The following PPP1R37 variants were observed in gnomAD, a reference collection of about 807,000 sequenced individuals.
PPP1R37 encodes leucine rich repeat containing 68.
Under a neutral mutation model 61.0 loss-of-function variants are expected in PPP1R37, and 21 were observed. The observed-to-expected ratio is 0.34, with a 90% CI of 0.24 to 0.50. The LOEUF (loss-of-function observed/expected upper bound fraction) is 0.50, where lower values mean the gene tolerates loss of function less well. PPP1R37 is among the 20% of genes least tolerant of loss of function. The pLI is 0.98. For synonymous variants in PPP1R37, 443 were observed against 433.5 expected (o/e 1.02, Z -0.27); for missense variants, 910 against 952.7 (o/e 0.96, Z 0.59).
intron 9 of PPP1R37, 29 bp from the exon 10 acceptor site, chr19:45,145,065 C>T (rs1287834490): frequency 1.3e-6 from 2 of 1,524,134 alleles, no homozygotes; most frequent in South Asian, 1.2e-5. Context: ...GTGTGGGGCC[C>T]GTGGCCAGCC....
Position 45,145,443 on chromosome 19 carries a change from GAGA to G in PPP1R37, c.1390_1392del (p.Lys464del), listed in dbSNP as rs1386604937. 4 of 1,535,172 alleles carry G rather than the reference GAGA, an allele frequency of 2.6e-6. No homozygotes were observed. The highest frequency in any genetic ancestry group is 2.7e-5 in the African/African-American group (2 of 73,012). Reference sequence around the variant, plus strand: ...CTTGGTGCTGGCGCGGGAGAGGGAGGAGAAGGAGCAGCCGCCACAGCTGTCGGC... The same window carrying G: ...CTTGGTGCTGGCGCGGGAGAGGGAGGAGGAGCAGCCGCCACAGCTGTCGGC... On this transcript the variant is annotated inframe_deletion, in exon 11 of 13. Coordinates refer to ENST00000221462, the MANE Select transcript of PPP1R37 (RefSeq NM_019121.2).
intron 1 of PPP1R37, among the ~76,000 whole-genome samples, chr19:45,111,275 T>G (rs1968196646): frequency 6.6e-6 from 1 of 151,254 alleles, no homozygotes; most frequent in Non-Finnish European, 1.5e-5. Context: ...ATTATTATTA[T>G]TATTATTATT....
intron 1 of PPP1R37, among the ~76,000 whole-genome samples, chr19:45,093,871 A>G (rs1032207966): frequency 6.6e-6 from 1 of 152,216 alleles, no homozygotes; most frequent in South Asian, 2.1e-4. Flanking sequence ...GAGAAGGAGC[A>G]GTTGAGAGGA....
intron 1 of PPP1R37, among the ~76,000 whole-genome samples, chr19:45,117,575 T>TA (rs1968285694): frequency 6.6e-6 from 1 of 152,100 alleles, no homozygotes; most frequent in African/African-American, 2.4e-5. Flanking sequence ...TGGGTTTTCC[T>TA]TCTACGGTGG....
At chr19:45,113,031 C>T (rs1968221438) in intron 1 of PPP1R37, among the ~76,000 whole-genome samples, 1 of 152,148 alleles carries the variant, frequency 6.6e-6, no homozygotes, top group Non-Finnish European at 1.5e-5. Context: ...AGGGAGGGGT[C>T]ACAGCTCCTG....
intron 1 of PPP1R37, among the ~76,000 whole-genome samples, chr19:45,122,254 C>T (rs982537469): frequency 3.9e-5 from 6 of 152,158 alleles, no homozygotes; most frequent in African/African-American, 9.7e-5. Flanking sequence ...TGCACACCTT[C>T]GCTGCCTGAG....
chr19:45,119,376 C>G (rs1293490844), intron 1 of PPP1R37, among the ~76,000 whole-genome samples: 1 of 152,186 alleles, frequency 6.6e-6, no homozygotes, highest in African/African-American at 2.4e-5. Flanking sequence ...TGGTGTCGAA[C>G]TCCTGACCTC....
chr19:45,114,103 T>G (rs142737999), intron 1 of PPP1R37, among the ~76,000 whole-genome samples: 1 of 152,338 alleles, frequency 6.6e-6, no homozygotes, highest in African/African-American at 2.4e-5. Flanking sequence ...TAGAAGTCTT[T>G]GTGTGTCAGT....
At chr19:45,123,888 A>C (rs1474130488) in intron 1 of PPP1R37, among the ~76,000 whole-genome samples, 1 of 152,152 alleles carries the variant, frequency 6.6e-6, no homozygotes, top group Non-Finnish European at 1.5e-5. Flanking sequence ...CTTCCTAAGC[A>C]TGGAGTAGAC....
rs1418454467 is a variant in PPP1R37 at position 45,145,710 on chromosome 19, C to G, written c.1654C>G (p.Pro552Ala). The change falls in exon 11 of 13, where the codon CCC (proline) becomes GCC (alanine). Residue 552 changes from proline (P) to alanine (A), a missense_variant. This residue lies in a region of PPP1R37 where 549 missense variants were observed against 505.1 expected (regional missense o/e 1.09). Transcript: ENST00000221462. ...DRSPPGSPST[P>A]TEQRISVSSP... is the part of the protein sequence containing the mutation. Reference sequence around the variant, plus strand: ...GAGTCCCCCAGGCAGCCCCTCCACACCCACCGAGCAGCGGATTTCCGTGTC... The same window carrying G: ...GAGTCCCCCAGGCAGCCCCTCCACAGCCACCGAGCAGCGGATTTCCGTGTC... 2.0e-6 allele frequency: 3 copies of G among 1,534,156 alleles called. No homozygotes were observed. The highest frequency in any genetic ancestry group is 2.6e-6 in the Non-Finnish European group (3 of 1,146,056).
rs184278457 is a variant in PPP1R37, at chr19:45,101,650, C to T, written c.202+8123C>T. On this transcript the variant is annotated intron_variant, in intron 1 of 12. Transcript: ENST00000221462. ...GAAGGATCACTTGAGTCCAGGAGGT[C>T]GAGGCTTTAGTGAGCTGTGATCACA... is the stretch of plus-strand genomic sequence containing the variant. Among the ~76,000 whole-genome samples the T allele has an allele frequency of 4.1e-4, 63 of 152,236 alleles. 1 individual carries two copies. Among genetic ancestry groups the T allele is most frequent in the African/African-American group, 1.4e-3 (57 of 41,544 alleles).
At chr19:45,131,360 C>T (rs1339853521) in intron 1 of PPP1R37, among the ~76,000 whole-genome samples, 1 of 152,180 alleles carries the variant, frequency 6.6e-6, no homozygotes, top group Non-Finnish European at 1.5e-5. Context: ...TCCCCACACC[C>T]TGCCTCCGCC....
At chr19:45,117,580 C>T (rs771474331) in intron 1 of PPP1R37, among the ~76,000 whole-genome samples, 3 of 152,118 alleles carry the variant, frequency 2.0e-5, no homozygotes, top group Non-Finnish European at 4.4e-5. Flanking sequence ...TTTCCTTCTA[C>T]GGTGGGAGGT....
chr19:45,127,930 G>A (rs1189111769), intron 1 of PPP1R37, among the ~76,000 whole-genome samples: 15 of 147,782 alleles, frequency 1.0e-4, no homozygotes, highest in East Asian at 4.0e-4. Context: ...AGCCGAGATC[G>A]TGCCACTACA....
At chr19:45,132,056 T>C (rs1968484477) in intron 1 of PPP1R37, among the ~76,000 whole-genome samples, 1 of 152,180 alleles carries the variant, frequency 6.6e-6, no homozygotes, top group Non-Finnish European at 1.5e-5. Flanking sequence ...GCCTGCTTTG[T>C]AGAAAATACT....
chr19:45,141,581 A>G, intron 5 of PPP1R37, 140 bp downstream of exon 5: 8 of 1,163,068 alleles, frequency 6.9e-6, no homozygotes, highest in South Asian at 4.9e-5. Context: ...CCTGGCCCTC[A>G]GGCCAGGAGA....
intron 1 of PPP1R37, chr19:45,108,611 T>G (rs1297237577): frequency 1.3e-5 from 2 of 150,066 alleles, no homozygotes; most frequent in Non-Finnish European, 2.9e-5. Context: ...ACTAGTTAAC[T>G]TCGGTTTTGT....
At chr19:45,119,017 T>C (rs1236008332) in intron 1 of PPP1R37, among the ~76,000 whole-genome samples, 1 of 152,058 alleles carries the variant, frequency 6.6e-6, no homozygotes, top group African/African-American at 2.4e-5. Flanking sequence ...AGACGGAGTC[T>C]CATTCTCTGT....
chr19:45,137,787 A>G (rs1739121793), intron 1 of PPP1R37, among the ~76,000 whole-genome samples: 1 of 151,164 alleles, frequency 6.6e-6, no homozygotes, highest in South Asian at 2.1e-4. Context: ...GTTTCCTCAT[A>G]GGGTTGAAGT....
Sources: allele counts gnomAD v4.1 joint callset (sites outside exome capture counted in the v4.1 genomes callset), GRCh38; gene constraint gnomAD v4.1.1; regional missense constraint gnomAD v4.1.1; transcripts MANE v1.5; gene names NCBI Gene and HGNC (gene_info 2026-07-23, HGNC 2026-07-21).